Variants in MYH9 observed in about 807,000 individuals in gnomAD.
MYH9 encodes myosin heavy chain 9.
A neutral mutation model predicts 241.9 loss-of-function variants in MYH9; 29 were observed. That is an observed-to-expected ratio of 0.12 (90% confidence interval 0.09 to 0.16). The LOEUF (loss-of-function observed/expected upper bound fraction) is 0.16. MYH9 is among the 10% of genes least tolerant of loss of function. The pLI is 1.00. For missense variants in MYH9, 1,803 were observed against 2,595.5 expected (o/e 0.69, Z 6.63); for synonymous variants, 1,047 against 1,062.6 (o/e 0.99, Z 0.29).
rs765412661 is a variant in MYH9 at position 36,297,024 on chromosome 22, A to AG, written c.3101-11dup. On this transcript the variant is annotated splice_polypyrimidine_tract_variant and intron_variant, in intron 24 of 40. Transcript: ENST00000216181. ...TCCCTGCGGAGGCGCTCTGCAATGC[A>AG]GGGGGAGCCCACATAGCCCTCAGTG... 34 of 1,613,414 alleles carry AG rather than the reference A, an allele frequency of 2.1e-5. 1 individual carries two copies. In the East Asian group the frequency reaches 6.2e-4, roughly 30 times the overall value.
At chr22:36,355,768 T>G (rs1290475149) in intron 1 of MYH9, among the ~76,000 whole-genome samples, 2 of 152,172 alleles carry the variant, frequency 1.3e-5, no homozygotes. Flanking sequence ...GTGGCTTCAA[T>G]GCCCTGCTCC....
intron 35 of MYH9, 109 bp from the exon 36 acceptor site, chr22:36,286,062 C>A (rs2016575264): frequency 4.2e-6 from 5 of 1,193,990 alleles, no homozygotes; most frequent in South Asian, 1.3e-5. Context: ...CCCACCTCCC[C>A]ACGAAGCCCT....
At chr22:36,325,549 C>T (rs2017322373) in intron 5 of MYH9, among the ~76,000 whole-genome samples, 1 of 152,228 alleles carries the variant, frequency 6.6e-6, no homozygotes, top group South Asian at 2.1e-4. Context: ...ATCACCCCAA[C>T]CTCTGAAAAA....
intron 14 of MYH9, among the ~76,000 whole-genome samples, chr22:36,310,331 T>C (rs1259838222): frequency 6.6e-6 from 1 of 151,454 alleles, no homozygotes; most frequent in Non-Finnish European, 1.5e-5. Flanking sequence ...GTCTCAAACG[T>C]CTGGGCTCAA....
In MYH9 at chr22:36,297,019, A is replaced by G. The variant is rs760310751; in HGVS notation, c.3101-5T>C. ...TCTCCTCCCTGCGGAGGCGCTCTGCAATGCAGGGGGAGCCCACATAGCCCT... is the reference window on the plus strand; with the variant it reads ...TCTCCTCCCTGCGGAGGCGCTCTGCGATGCAGGGGGAGCCCACATAGCCCT... On this transcript the variant is annotated splice_region_variant and splice_polypyrimidine_tract_variant and intron_variant, in intron 24 of 40. Coordinates refer to ENST00000216181, the MANE Select transcript of MYH9 (RefSeq NM_002473.6). 17 of 1,613,572 alleles carry G rather than the reference A, an allele frequency of 1.1e-5. No homozygotes were observed. Among genetic ancestry groups the G allele is most frequent in the Middle Eastern group, 1.6e-4 (1 of 6,084 alleles).
rs571086396 is a variant in MYH9 at position 36,325,952 on chromosome 22, C to T, written c.612+616G>A. 2.0e-5 allele frequency among the ~76,000 whole-genome samples: 3 copies of T among 152,296 alleles called. No individual in the cohort carries two copies. In the South Asian group the frequency reaches 6.2e-4, roughly 32 times the overall value. ...GTGAAAAGCTGCTTAGAACAAAATA[C>T]AGAATTCAAGGGCACACGATGGGCA... is the stretch of plus-strand genomic sequence containing the variant. On this transcript the variant is annotated intron_variant, in intron 5 of 40. Transcript: ENST00000216181.
In MYH9 at chr22:36,281,759, A is replaced by G. The variant is rs2016492068; in HGVS notation, c.*909T>C. On this transcript the variant is annotated 3_prime_UTR_variant, in exon 41 of 41. Transcript: ENST00000216181. ...ACTATACTGAGTCAACGGTGCAGGT[A>G]AACCACCCTCGGGCCCAGTCCTAGA... 2 of 231,118 alleles carry G rather than the reference A, an allele frequency of 8.7e-6. No homozygotes were observed. Among genetic ancestry groups the G allele is most frequent in the African/African-American group, 4.4e-5 (2 of 45,210 alleles). The allele number at this position is 231,118 out of a possible 1,614,324, so 14.3% of individuals were successfully genotyped here. A position where few individuals can be genotyped will look rare whatever the true frequency, so the allele number is the denominator to read the frequency against.
chr22:36,289,060 C>T (rs1353186126), intron 32 of MYH9, 25 bp downstream of exon 32: 3 of 1,614,042 alleles, frequency 1.9e-6, no homozygotes, highest in Admixed American at 1.7e-5. Flanking sequence ...CTTCCCAAGA[C>T]CTGGCTGCCA....
intron 1 of MYH9, among the ~76,000 whole-genome samples, chr22:36,373,090 T>C (rs1466564116): frequency 1.3e-5 from 2 of 152,222 alleles, no homozygotes; most frequent in Non-Finnish European, 2.9e-5. Flanking sequence ...GCCACTAGGA[T>C]TCTGAAACTT....
At chr22:36,332,671 A>AAC (rs2017441916) in intron 3 of MYH9, among the ~76,000 whole-genome samples, 1 of 150,386 alleles carries the variant, frequency 6.6e-6, no homozygotes, top group Non-Finnish European at 1.5e-5. Context: ...TAAAAAAAAA[A>AAC]AAAAAAAAAA....
intron 2 of MYH9, 67 bp downstream of exon 2, chr22:36,348,837 A>ACACC: frequency 5.6e-6 from 3 of 539,144 alleles, no homozygotes; most frequent in South Asian, 3.3e-5. Context: ...TGATGGGAAG[A>ACACC]CCCGCCCCCC....
At chr22:36,303,064 A>C (rs115102651) in intron 19 of MYH9, among the ~76,000 whole-genome samples, 2 of 152,166 alleles carry the variant, frequency 1.3e-5, no homozygotes, top group African/African-American at 4.8e-5. Context: ...GCTGTTCCCT[A>C]TCTGAGCTTT....
intron 1 of MYH9, among the ~76,000 whole-genome samples, chr22:36,367,250 C>T (rs1359064550): frequency 6.6e-6 from 1 of 152,134 alleles, no homozygotes; most frequent in Non-Finnish European, 1.5e-5. Context: ...ACAGAATAAC[C>T]CAATAGCAAG....
intron 3 of MYH9, among the ~76,000 whole-genome samples, chr22:36,336,597 T>C (rs749439733): frequency 5.3e-5 from 8 of 152,192 alleles, no homozygotes; most frequent in Non-Finnish European, 7.3e-5. Flanking sequence ...GGAACGGCCA[T>C]GACAACGAAT....
intron 1 of MYH9, among the ~76,000 whole-genome samples, chr22:36,370,488 T>C (rs2018073069): frequency 6.6e-6 from 1 of 152,152 alleles, no homozygotes; most frequent in African/African-American, 2.4e-5. Context: ...GCACAGAGAA[T>C]TGCTAAGACA....
At position 36,320,163 on chromosome 22, in the gene MYH9, C is replaced by T. The variant is rs555367788; in HGVS notation, c.1012+57G>A. The T allele has an allele frequency of 6.2e-6, 10 of 1,612,760 alleles. No individual in the cohort carries two copies. Among genetic ancestry groups the T allele is most frequent in the Admixed American group, 5.0e-5 (3 of 60,028 alleles). ...ATCGGCTACCCTGATGCCCCGAGGC[C>T]GTGGGTACCAGCCTTCCTCTGCCCC... On this transcript the variant is annotated intron_variant, in intron 9 of 40. Transcript: ENST00000216181. This position sits in a 1 kb window ranked among gnomAD's most constrained non-coding sequence, Gnocchi z 4.8.
chr22:36,287,130 T>C (rs1219135272), intron 34 of MYH9, among the ~76,000 whole-genome samples: 1 of 152,166 alleles, frequency 6.6e-6, no homozygotes, highest in African/African-American at 2.4e-5. Context: ...CCAGTGCCCA[T>C]GGTGCCACCC....
rs1256458292 is a variant in MYH9, at chr22:36,285,972, G to A, written c.5062-19C>T. On this transcript the variant is annotated intron_variant, in intron 35 of 40. Transcript: ENST00000216181. This position sits in a 1 kb window ranked among gnomAD's most constrained non-coding sequence, Gnocchi z 7.0. ...CCAGTTCCTGCCACAAAGACCCAGA[G>A]TGTGACCTAAAGGCAGCCACAGCCC... 5.0e-6 allele frequency: 8 copies of A among 1,608,692 alleles called. No homozygotes were observed. In the African/African-American group the frequency reaches 5.3e-5, roughly 11 times the overall value.
intron 1 of MYH9, among the ~76,000 whole-genome samples, chr22:36,374,566 C>T (rs546842514): frequency 3.9e-4 from 60 of 152,104 alleles, no homozygotes; most frequent in Admixed American, 7.2e-4. Context: ...ATAACAATTA[C>T]GTCTCTCTCA....
Sources: gnomAD v4.1 joint callset for allele counts (sites outside exome capture counted in the v4.1 genomes callset) on GRCh38, gnomAD v4.1.1 for gene constraint, Gnocchi (gnomAD v3.1) non-coding constraint, MANE v1.5 for transcripts, NCBI Gene and HGNC (gene_info 2026-07-23, HGNC 2026-07-21) for gene names.